Variants in AGAP1 observed in about 807,000 individuals in gnomAD.
The protein encoded by AGAP1 is arf-GAP with GTPase, ANK repeat and PH domain-containing protein 1.
Under a neutral mutation model 105.3 loss-of-function variants are expected in AGAP1, and 29 were observed. The observed-to-expected ratio is 0.28, with a 90% CI of 0.21 to 0.38. The LOEUF (loss-of-function observed/expected upper bound fraction) is 0.38. Among genes scored for constraint, AGAP1 ranks in the 10% least tolerant of loss-of-function variants. AGAP1 has a pLI of 1.00. For synonymous variants in AGAP1, 509 were observed against 485.9 expected, an observed-to-expected ratio of 1.05 and a Z score of -0.63; for missense variants, 998 against 1,165.1, an observed-to-expected ratio of 0.86 and a Z score of 2.09.
intron 1 of AGAP1, among the ~76,000 whole-genome samples, chr2:235,595,814 G>A (rs1010995683): frequency 1.2e-4 from 19 of 152,298 alleles, no homozygotes; most frequent in Admixed American, 3.9e-4. Flanking sequence ...GAAAGTTTCC[G>A]TTGTCTTTGA....
chr2:235,635,784 C>G lies in AGAP1; in HGVS notation c.164-73395C>G, dbSNP rs1407683557. On this transcript the variant is annotated intron_variant, in intron 1 of 17. Coordinates refer to ENST00000304032, the MANE Select transcript of AGAP1 (RefSeq NM_001037131.3). The surrounding 1 kb of genome is among the most constrained non-coding windows in gnomAD (Gnocchi z 5.3). ...TTTGGAGGTTTACTGATAGGTCGTTCTGAGTAGGACAAATGTTTTCCTTTC... is the reference window on the plus strand; with the variant it reads ...TTTGGAGGTTTACTGATAGGTCGTTGTGAGTAGGACAAATGTTTTCCTTTC... Among the ~76,000 whole-genome samples the G allele has an allele frequency of 6.6e-6, 1 of 152,124 alleles. No individual in the cohort carries two copies. The highest frequency in any genetic ancestry group is 6.6e-5 in the Admixed American group (1 of 15,256).
chr2:236,043,406 T>C (rs2057615797), intron 15 of AGAP1, among the ~76,000 whole-genome samples: 1 of 152,180 alleles, frequency 6.6e-6, no homozygotes, highest in Non-Finnish European at 1.5e-5. Context: ...ATGTCTTGTC[T>C]TTGCTACCTT....
In AGAP1 at chr2:235,639,534, A is replaced by G. The variant is rs1415775302; in HGVS notation, c.164-69645A>G. ...GAGGCTCATGAACAGATGTGGAAAC[A>G]TCGTGGGATGATCTCATGGTGGGTG... On this transcript the variant is annotated intron_variant, in intron 1 of 17. Transcript: ENST00000304032. This position sits in a 1 kb window ranked among gnomAD's most constrained non-coding sequence, Gnocchi z 5.3. Among the ~76,000 whole-genome samples, 2 of 152,154 alleles carry G rather than the reference A, an allele frequency of 1.3e-5. No homozygotes were observed. The highest frequency in any genetic ancestry group is 1.3e-4 in the Admixed American group (2 of 15,272).
At chr2:236,028,409 TCTTA>T in intron 13 of AGAP1, among the ~76,000 whole-genome samples, 1 of 152,310 alleles carries the variant, frequency 6.6e-6, no homozygotes, top group East Asian at 1.9e-4. Context: ...TCCTTTATGT[TCTTA>T]CTTTTAGGGA....
chr2:235,654,186 A>T (rs377600463), intron 1 of AGAP1, among the ~76,000 whole-genome samples: 1 of 152,226 alleles, frequency 6.6e-6, no homozygotes, highest in East Asian at 1.9e-4. Context: ...TTCAATCTGG[A>T]TTGGGACAGG....
rs927777383 is a variant in AGAP1, at chr2:235,674,777, C to A, written c.164-34402C>A. On this transcript the variant is annotated intron_variant, in intron 1 of 17. Coordinates refer to ENST00000304032, the MANE Select transcript of AGAP1 (RefSeq NM_001037131.3). ...GATCTCAGCTCACTGCAACCTCCCC[C>A]TCCCAGGTTCAAGCAATTCTCCTCC... Among the ~76,000 whole-genome samples the A allele has an allele frequency of 7.3e-5, 11 of 151,426 alleles. 1 individual carries two copies. Among genetic ancestry groups the A allele is most frequent in the Admixed American group, 7.2e-4 (11 of 15,236 alleles).
chr2:235,539,568 A>G (rs780111791), intron 1 of AGAP1, among the ~76,000 whole-genome samples: 2 of 151,904 alleles, frequency 1.3e-5, no homozygotes, highest in South Asian at 2.1e-4. Context: ...CTCCTCTCCC[A>G]TATTTCCCCT....
Position 236,046,477 on chromosome 2 carries a change from A to G in AGAP1, c.1892-2582A>G, listed in dbSNP as rs2057721261. Reference sequence around the variant, plus strand: ...CTTATGAGAGGTTGAGAACCTTGTGATTGGCTGTGGGAATGATGGAAGAAT... The same window carrying G: ...CTTATGAGAGGTTGAGAACCTTGTGGTTGGCTGTGGGAATGATGGAAGAAT... On this transcript the variant is annotated intron_variant, in intron 15 of 17. Coordinates refer to ENST00000304032, the MANE Select transcript of AGAP1 (RefSeq NM_001037131.3). The surrounding 1 kb of genome is among the most constrained non-coding windows in gnomAD (Gnocchi z 5.2). Among the ~76,000 whole-genome samples the G allele has an allele frequency of 6.6e-6, 1 of 152,144 alleles. No homozygotes were observed. Among genetic ancestry groups the G allele is most frequent in the Admixed American group, 6.5e-5 (1 of 15,284 alleles).
chr2:235,523,289 C>T (rs1015390563), intron 1 of AGAP1, among the ~76,000 whole-genome samples: 4 of 152,178 alleles, frequency 2.6e-5, no homozygotes, highest in Non-Finnish European at 4.4e-5. Flanking sequence ...CATACAGATT[C>T]AGGGGGACAC....
chr2:235,799,285 T>C lies in AGAP1; in HGVS notation c.802-82T>C. 1 of 1,498,674 alleles carries C rather than the reference T, an allele frequency of 6.7e-7. No individual in the cohort carries two copies. Among genetic ancestry groups the C allele is most frequent in the Non-Finnish European group, 9.1e-7 (1 of 1,097,250 alleles). The allele number at this position is 1,498,674 out of a possible 1,614,324, so 92.8% of individuals were successfully genotyped here. On this transcript the variant is annotated intron_variant, in intron 7 of 17. Transcript: ENST00000304032. This position sits in a 1 kb window ranked among gnomAD's most constrained non-coding sequence, Gnocchi z 5.0. ...CCCTTCCATGGGGCTCATGCTCACT[T>C]GTTGGTTATGACCTTGCCTAAGTGG... is the stretch of plus-strand genomic sequence containing the variant.
intron 1 of AGAP1, among the ~76,000 whole-genome samples, chr2:235,588,228 C>CAAAA (rs34739482): frequency 7.6e-6 from 1 of 131,538 alleles, no homozygotes; most frequent in African/African-American, 2.8e-5. Flanking sequence ...GACTCCGTCT[C>CAAAA]AAAAAAAAAA....
In AGAP1 at chr2:235,934,238, A is replaced by T. The variant is rs2052873507; in HGVS notation, c.1483+3315A>T. ...TGTGTATAGCAAGCCCTCTGGGATCACATGGCATGCTGAAGCTTGGGAACC... is the reference window on the plus strand; with the variant it reads ...TGTGTATAGCAAGCCCTCTGGGATCTCATGGCATGCTGAAGCTTGGGAACC... On this transcript the variant is annotated intron_variant, in intron 12 of 17. Transcript: ENST00000304032. This position sits in a 1 kb window ranked among gnomAD's most constrained non-coding sequence, Gnocchi z 4.9. Among the ~76,000 whole-genome samples the T allele has an allele frequency of 6.6e-6, 1 of 152,224 alleles. No individual in the cohort carries two copies. The highest frequency in any genetic ancestry group is 1.5e-5 in the Non-Finnish European group (1 of 68,042).
chr2:236,043,080 G>T (rs748611115), intron 15 of AGAP1, among the ~76,000 whole-genome samples: 2 of 152,202 alleles, frequency 1.3e-5, no homozygotes, highest in Non-Finnish European at 2.9e-5. Flanking sequence ...GAATGGAAAG[G>T]CTCAGAAGAT....
intron 1 of AGAP1, among the ~76,000 whole-genome samples, chr2:235,519,732 A>G (rs1942544791): frequency 6.6e-6 from 1 of 152,174 alleles, no homozygotes; most frequent in Admixed American, 6.6e-5. Context: ...AACCAGCTTC[A>G]GTAATTAGTT....
In AGAP1 at chr2:236,035,460, A is replaced by T. The variant is rs549964463; in HGVS notation, c.1646-1101A>T. Among the ~76,000 whole-genome samples, 1 of 152,114 alleles carries T rather than the reference A, an allele frequency of 6.6e-6. No homozygotes were observed. The highest frequency in any genetic ancestry group is 1.5e-5 in the Non-Finnish European group (1 of 68,018). On this transcript the variant is annotated intron_variant, in intron 13 of 17. Coordinates refer to ENST00000304032, the MANE Select transcript of AGAP1 (RefSeq NM_001037131.3). The surrounding 1 kb of genome is among the most constrained non-coding windows in gnomAD (Gnocchi z 4.2). The stretch of plus-strand genomic sequence containing the variant: ...ACCAGCCTAGGGAGACACCATCTCT[A>T]CAAAAAATGTCTAACAATTGGCCAG...
At chr2:235,539,078 A>G (rs531117376) in intron 1 of AGAP1, among the ~76,000 whole-genome samples, 1 of 152,218 alleles carries the variant, frequency 6.6e-6, no homozygotes, top group East Asian at 1.9e-4. Flanking sequence ...GAGAAAGAGA[A>G]CCCGTGCCTA....
chr2:235,758,099 C>T (rs1428869393), intron 6 of AGAP1, among the ~76,000 whole-genome samples: 3 of 151,796 alleles, frequency 2.0e-5, no homozygotes, highest in African/African-American at 7.3e-5. Context: ...ATTTTTTTCT[C>T]CTTTATTACA....
At chr2:236,013,330 C>T (rs1272182099) in intron 13 of AGAP1, among the ~76,000 whole-genome samples, 1 of 152,190 alleles carries the variant, frequency 6.6e-6, no homozygotes. Flanking sequence ...CTAGTCATCA[C>T]CCTGGGTCAT....
At chr2:235,844,451 A>G (rs1477627609) in intron 9 of AGAP1, among the ~76,000 whole-genome samples, 1 of 152,176 alleles carries the variant, frequency 6.6e-6, no homozygotes, top group East Asian at 1.9e-4. Flanking sequence ...ATAAAATTTT[A>G]TCATTTTTAA....
Sources: gnomAD v4.1 joint callset for allele counts (sites outside exome capture counted in the v4.1 genomes callset) on GRCh38, gnomAD v4.1.1 for gene constraint, Gnocchi (gnomAD v3.1) non-coding constraint, MANE v1.5 for transcripts, NCBI Gene and HGNC (gene_info 2026-07-23, HGNC 2026-07-21) for gene names.